Variants in PPFIBP2 observed in about 807,000 individuals in gnomAD.
The protein encoded by PPFIBP2 is liprin-beta-2.
PPFIBP2 carries 118 observed loss-of-function variants against 118.3 expected under a neutral mutation model. The observed-to-expected ratio is 1.00, with a 90% CI of 0.86 to 1.16. PPFIBP2 has a LOEUF of 1.16. Ranked by LOEUF, PPFIBP2 falls within the 50% of genes most tolerant of loss-of-function variation. The pLI is 0.00. For missense variants in PPFIBP2, 1,195 were observed against 1,073.1 expected (o/e 1.11, Z -1.59); for synonymous variants, 414 against 397.4 (o/e 1.04, Z -0.50).
At position 7,648,161 on chromosome 11, in the gene PPFIBP2, T is replaced by C. The variant is rs563540338; in HGVS notation, c.1647-226T>C. ...GCCCCATTCTCTAAGTAGCCTGAGATTTGAAATTCAGATCTTGTGTTATTA... is the reference window on the plus strand; with the variant it reads ...GCCCCATTCTCTAAGTAGCCTGAGACTTGAAATTCAGATCTTGTGTTATTA... On this transcript the variant is annotated intron_variant, in intron 17 of 23. Coordinates refer to ENST00000299492, the MANE Select transcript of PPFIBP2 (RefSeq NM_003621.5). The C allele has an allele frequency of 3.6e-4, 171 of 481,350 alleles. 3 individuals carry two copies. In the South Asian group the frequency reaches 5.0e-3, roughly 14 times the overall value. The allele number at this position is 481,350 out of a possible 1,614,324, so 29.8% of individuals were successfully genotyped here. A position where few individuals can be genotyped will look rare whatever the true frequency, so the allele number is the denominator to read the frequency against.
At chr11:7,633,329 G>T (rs1049783876) in intron 12 of PPFIBP2, among the ~76,000 whole-genome samples, 3 of 152,190 alleles carry the variant, frequency 2.0e-5, no homozygotes, top group African/African-American at 7.2e-5. Context: ...TCTAGGGAAG[G>T]CCATGTCTTC....
intron 5 of PPFIBP2, chr11:7,598,070 T>C (rs1348730735): frequency 6.3e-6 from 1 of 158,202 alleles, no homozygotes; most frequent in East Asian, 1.8e-4. Context: ...CTCTTCCTAC[T>C]GTATATAGTT....
chr11:7,649,937 G>T (rs1853726579), intron 21 of PPFIBP2, among the ~76,000 whole-genome samples: 1 of 152,178 alleles, frequency 6.6e-6, no homozygotes, highest in Admixed American at 6.5e-5. Context: ...GCAAAGGAGA[G>T]GGGGAGGGAA....
At chr11:7,595,892 T>A (rs1860193081) in intron 4 of PPFIBP2, among the ~76,000 whole-genome samples, 1 of 36,072 alleles carries the variant, frequency 2.8e-5, no homozygotes, top group Non-Finnish European at 5.6e-5. Context: ...ATTTTTATCC[T>A]TTTTTTTTTT....
intron 3 of PPFIBP2, among the ~76,000 whole-genome samples, chr11:7,586,194 GT>G (rs1858144816): frequency 6.6e-6 from 1 of 152,200 alleles, no homozygotes; most frequent in South Asian, 2.1e-4. Context: ...TTTGGTTATT[GT>G]TCCCTTGGGT....
the PPFIBP2 span, among the ~76,000 whole-genome samples, chr11:7,664,716 T>C: frequency 2.0e-5 from 3 of 151,840 alleles, no homozygotes; most frequent in Non-Finnish European, 2.9e-5. Context: ...CCTGGAGAGA[T>C]GGGGGTGGCC....
intron 4 of PPFIBP2, among the ~76,000 whole-genome samples, chr11:7,593,772 G>A (rs939557025): frequency 5.9e-5 from 9 of 152,298 alleles, no homozygotes; most frequent in Admixed American, 3.3e-4. Flanking sequence ...AACCTTTTAC[G>A]GAGAAAGATC....
At chr11:7,666,316 G>T in the PPFIBP2 span, 1 of 634,072 alleles carries the variant, frequency 1.6e-6, no homozygotes, top group East Asian at 2.7e-5. Context: ...TTTCCCATCT[G>T]GAGCCAGAGC....
chr11:7,590,718 A>G lies in PPFIBP2; in HGVS notation c.280-2414A>G, dbSNP rs868638123. On this transcript the variant is annotated intron_variant, in intron 3 of 23. Transcript: ENST00000299492. ...TGTGTATTTACAGCACTGTGCCTGG[A>G]CCATATTATATTAGTCTCCATGGAA... 7.7e-4 allele frequency among the ~76,000 whole-genome samples: 117 copies of G among 152,358 alleles called. 2 individuals are homozygous for G. Among genetic ancestry groups the G allele is most frequent in the African/African-American group, 2.6e-3 (109 of 41,576 alleles).
downstream of PPFIBP2, chr11:7,653,849 G>A (rs191681742): frequency 2.8e-5 from 32 of 1,142,312 alleles, no homozygotes; most frequent in Non-Finnish European, 3.3e-5. Flanking sequence ...CTGAAGAGCC[G>A]GTGGCACTGA....
intron 2 of PPFIBP2, among the ~76,000 whole-genome samples, chr11:7,554,822 G>A (rs1004514281): frequency 8.5e-6 from 1 of 117,766 alleles, no homozygotes; most frequent in Admixed American, 7.8e-5. Flanking sequence ...ACTAGATTGG[G>A]TCTATACTAG....
intron 1 of PPFIBP2, among the ~76,000 whole-genome samples, chr11:7,519,801 G>T (rs1254195961): frequency 6.6e-6 from 1 of 152,176 alleles, no homozygotes; most frequent in African/African-American, 2.4e-5. Flanking sequence ...ATCAGCGAGT[G>T]CCTGGCACAC....
rs558557321 is a variant in PPFIBP2 at position 7,581,961 on chromosome 11, C to T, written c.280-11171C>T. On this transcript the variant is annotated intron_variant, in intron 3 of 23. Coordinates refer to ENST00000299492, the MANE Select transcript of PPFIBP2 (RefSeq NM_003621.5). The stretch of plus-strand genomic sequence containing the variant: ...AAGCGATTCTCCTGCCTCAGCCTCC[C>T]GAGTAGCTGGGATTACAGGCATACA... 5.3e-5 allele frequency among the ~76,000 whole-genome samples: 8 copies of T among 152,156 alleles called. 1 individual carries two copies. The East Asian group carries it at 1.5e-3, about 29-fold the overall frequency.
intron 1 of PPFIBP2, among the ~76,000 whole-genome samples, chr11:7,532,370 TG>T (rs1012965079): frequency 1.5e-4 from 23 of 152,156 alleles, no homozygotes; most frequent in Non-Finnish European, 7.4e-5. Context: ...TTTGAGGGTG[TG>T]GGTACAATTC....
chr11:7,653,375 T>G lies in PPFIBP2; in HGVS notation c.*157T>G. On this transcript the variant is annotated 3_prime_UTR_variant, in exon 24 of 24. Transcript: ENST00000299492. ...GGCCAGTCTCTTTGAACCCTGAGGGTGGCCAGGATCTGGAGCTGCATCTCT... is the reference window on the plus strand; with the variant it reads ...GGCCAGTCTCTTTGAACCCTGAGGGGGGCCAGGATCTGGAGCTGCATCTCT... 1.3e-6 allele frequency: 2 copies of G among 1,483,088 alleles called. No individual in the cohort carries two copies. The allele number at this position is 1,483,088 out of a possible 1,614,324, so 91.9% of individuals were successfully genotyped here. A position where few individuals can be genotyped will look rare whatever the true frequency, so the allele number is the denominator to read the frequency against.
chr11:7,593,190 G>A lies in PPFIBP2; in HGVS notation c.338G>A (p.Arg113His), dbSNP rs145794393. The A allele has an allele frequency of 8.6e-5, 139 of 1,613,898 alleles. No individual in the cohort carries two copies. The highest frequency in any genetic ancestry group is 1.1e-4 in the Non-Finnish European group (135 of 1,179,966). The change falls in exon 4 of 24, where the codon CGT becomes CAT. Residue 113 changes from arginine to histidine, a missense_variant. Coordinates refer to ENST00000299492, the MANE Select transcript of PPFIBP2 (RefSeq NM_003621.5). Reference protein sequence around the residue: ...SNETYQERLARLEGDKESLIL... With the variant: ...SNETYQERLAHLEGDKESLIL... ...GAAACCTACCAGGAACGCTTGGCACGTCTAGAAGGGGATAAGGAGTCCCTC... is the reference window on the plus strand; with the variant it reads ...GAAACCTACCAGGAACGCTTGGCACATCTAGAAGGGGATAAGGAGTCCCTC...
chr11:7,652,094 C>T (rs555803498), intron 23 of PPFIBP2, among the ~76,000 whole-genome samples: 1 of 152,378 alleles, frequency 6.6e-6, no homozygotes, highest in African/African-American at 2.4e-5. Flanking sequence ...CACCTATCCT[C>T]AGGTGGCTTA....
intron 1 of PPFIBP2, among the ~76,000 whole-genome samples, chr11:7,530,223 T>C (rs1850572460): frequency 6.6e-6 from 1 of 152,198 alleles, no homozygotes; most frequent in Admixed American, 6.5e-5. Context: ...CTTAACCCTC[T>C]GACTAACCCT....
intron 6 of PPFIBP2, among the ~76,000 whole-genome samples, chr11:7,613,172 C>A (rs1391488545): frequency 6.6e-6 from 1 of 151,998 alleles, no homozygotes; most frequent in Non-Finnish European, 1.5e-5. Flanking sequence ...TCCTCAAATT[C>A]TGTTTTATGT....
Sources: gnomAD v4.1 joint callset for allele counts (sites outside exome capture counted in the v4.1 genomes callset) on GRCh38, gnomAD v4.1.1 for gene constraint, MANE v1.5 for transcripts, NCBI Gene and HGNC (gene_info 2026-07-23, HGNC 2026-07-21) for gene names.